PLCB1: variants seen among roughly 807,000 people sequenced by gnomAD.
The protein encoded by PLCB1 is 1-phosphatidylinositol 4,5-bisphosphate phosphodiesterase beta-1.
Under a neutral mutation model 161.8 loss-of-function variants are expected in PLCB1, and 46 were observed. The observed-to-expected ratio is 0.28, with a 90% CI of 0.22 to 0.36. The LOEUF (loss-of-function observed/expected upper bound fraction) is 0.36, where lower values mean the gene tolerates loss of function less well. Among genes scored for constraint, PLCB1 ranks in the 10% least tolerant of loss-of-function variants. The pLI, the probability that PLCB1 is intolerant of heterozygous loss-of-function variation, is 1.00. For synonymous variants in PLCB1, 517 were observed against 503.7 expected, an observed-to-expected ratio of 1.03 and a Z score of -0.35; for missense variants, 1,016 against 1,472.5, an observed-to-expected ratio of 0.69 and a Z score of 5.07.
intron 3 of PLCB1, among the ~76,000 whole-genome samples, chr20:8,548,287 T>G (rs1255896064): frequency 7.3e-6 from 1 of 136,406 alleles, no homozygotes; most frequent in Non-Finnish European, 1.7e-5. Context: ...TTTTCTTTCT[T>G]TCTTTGTTTT....
chr20:8,351,957 C>G (rs1325823124), intron 2 of PLCB1, among the ~76,000 whole-genome samples: 1 of 152,032 alleles, frequency 6.6e-6, no homozygotes, highest in Non-Finnish European at 1.5e-5. Flanking sequence ...TAAACATACT[C>G]TTACCACATG....
intron 2 of PLCB1, among the ~76,000 whole-genome samples, chr20:8,356,307 C>G (rs1049539766): frequency 6.6e-6 from 1 of 152,118 alleles, no homozygotes; most frequent in Non-Finnish European, 1.5e-5. Context: ...AAAAGTATAT[C>G]AGAATCACCT....
At chr20:8,548,107 C>G (rs530835091) in intron 3 of PLCB1, among the ~76,000 whole-genome samples, 5 of 148,866 alleles carry the variant, frequency 3.4e-5, no homozygotes, top group Non-Finnish European at 3.0e-5. Context: ...CCTCCCTTCC[C>G]TTCTTCCTTC....
intron 31 of PLCB1, among the ~76,000 whole-genome samples, chr20:8,868,732 A>T (rs4816099): frequency 0.3 from 45,404 of 151,898 alleles, 7,667 homozygotes; most frequent in East Asian, 0.65. Context: ...CCCAGGTTCA[A>T]GTGATTCTTG....
At chr20:8,862,222 T>C (rs1313161054) in intron 31 of PLCB1, among the ~76,000 whole-genome samples, 1 of 152,256 alleles carries the variant, frequency 6.6e-6, no homozygotes, top group Non-Finnish European at 1.5e-5. Flanking sequence ...TATTTAAATT[T>C]CAGCATAATT....
At chr20:8,781,293 T>A (rs573392179) in intron 27 of PLCB1, among the ~76,000 whole-genome samples, 5 of 152,038 alleles carry the variant, frequency 3.3e-5, no homozygotes, top group African/African-American at 1.2e-4. Flanking sequence ...AAACAAGAAA[T>A]GACAAATAAG....
chr20:8,622,707 C>A (rs943911083), intron 3 of PLCB1, among the ~76,000 whole-genome samples: 1 of 152,170 alleles, frequency 6.6e-6, no homozygotes, highest in Non-Finnish European at 1.5e-5. Flanking sequence ...CTTACTTCCC[C>A]ACTCCTCACT....
At chr20:8,830,079 G>A (rs1985909051) in intron 31 of PLCB1, among the ~76,000 whole-genome samples, 1 of 152,110 alleles carries the variant, frequency 6.6e-6, no homozygotes, top group Non-Finnish European at 1.5e-5. Flanking sequence ...TATAAAACAG[G>A]GTCTTAGCTT....
intron 2 of PLCB1, among the ~76,000 whole-genome samples, chr20:8,318,688 A>AT (rs977371337): frequency 2.0e-5 from 3 of 151,782 alleles, no homozygotes; most frequent in Non-Finnish European, 4.4e-5. Flanking sequence ...TCCTGTGTTT[A>AT]TTTTTTTTGG....
intron 31 of PLCB1, among the ~76,000 whole-genome samples, chr20:8,810,974 AAAAT>A (rs1396276025): frequency 2.0e-5 from 3 of 152,202 alleles, no homozygotes; most frequent in Admixed American, 2.0e-4. Flanking sequence ...CCCTGTCTCA[AAAAT>A]AAATAAATAA....
chr20:8,871,021 G>T (rs766662458), intron 31 of PLCB1, among the ~76,000 whole-genome samples: 4 of 152,150 alleles, frequency 2.6e-5, no homozygotes, highest in Non-Finnish European at 5.9e-5. Flanking sequence ...CAGATCTTCT[G>T]AATCAGAATT....
intron 2 of PLCB1, among the ~76,000 whole-genome samples, chr20:8,201,030 T>C (rs950078408): frequency 7.2e-5 from 11 of 152,138 alleles, no homozygotes; most frequent in African/African-American, 2.7e-4. Flanking sequence ...CTTGCTAATA[T>C]TTTATTTTGC....
intron 2 of PLCB1, among the ~76,000 whole-genome samples, chr20:8,277,092 CT>C (rs1457398565): frequency 2.0e-5 from 3 of 151,462 alleles, no homozygotes; most frequent in Admixed American, 1.3e-4. Context: ...CCTCCACCTC[CT>C]GGGTTCAAGT....
chr20:8,292,955 A>G (rs1004947470), intron 2 of PLCB1, among the ~76,000 whole-genome samples: 15 of 152,168 alleles, frequency 9.9e-5, no homozygotes, highest in Non-Finnish European at 1.6e-4. Flanking sequence ...AAGTGGGTGA[A>G]TACACTATCA....
intron 3 of PLCB1, among the ~76,000 whole-genome samples, chr20:8,438,936 G>GC (rs1342314073): frequency 2.0e-5 from 3 of 152,178 alleles, no homozygotes; most frequent in Non-Finnish European, 4.4e-5. Flanking sequence ...TTCAGTCACT[G>GC]CCTCTTTGCT....
chr20:8,281,790 A>G (rs996155595), intron 2 of PLCB1, among the ~76,000 whole-genome samples: 3 of 152,088 alleles, frequency 2.0e-5, no homozygotes, highest in Non-Finnish European at 2.9e-5. Flanking sequence ...TTAACATTGT[A>G]CTGTAAAAAG....
At chr20:8,878,725 T>A (rs1373757390) in intron 31 of PLCB1, among the ~76,000 whole-genome samples, 2 of 152,092 alleles carry the variant, frequency 1.3e-5, no homozygotes, top group South Asian at 4.1e-4. Flanking sequence ...TTTTTCATTT[T>A]CTATTTTTAT....
At chr20:8,368,769 C>G (rs529894970) in intron 2 of PLCB1, among the ~76,000 whole-genome samples, 4 of 152,230 alleles carry the variant, frequency 2.6e-5, no homozygotes, top group African/African-American at 7.2e-5. Context: ...CCATATACCT[C>G]TGTGACATAT....
chr20:8,882,877 A>T lies in PLCB1; in HGVS notation c.*1028A>T, dbSNP rs188506001. 1.3e-5 allele frequency: 2 copies of T among 152,776 alleles called. No homozygotes were observed. The highest frequency in any genetic ancestry group is 2.9e-5 in the Non-Finnish European group (2 of 68,042). The allele number at this position is 152,776 out of a possible 1,614,324, so 9.5% of individuals were successfully genotyped here. ...CATGTATATATGTACCCACTTAGTC[A>T]TGTAAGTGCATATACACATACACAC... is the stretch of plus-strand genomic sequence containing the variant. On this transcript the variant is annotated 3_prime_UTR_variant, in exon 32 of 32. Coordinates refer to ENST00000338037, the MANE Select transcript of PLCB1 (RefSeq NM_015192.4).
Sources: gnomAD v4.1 joint callset for allele counts (sites outside exome capture counted in the v4.1 genomes callset) on GRCh38, gnomAD v4.1.1 for gene constraint, MANE v1.5 for transcripts, NCBI Gene and HGNC (gene_info 2026-07-23, HGNC 2026-07-21) for gene names.